Variants in GRSF1 observed in about 807,000 individuals in gnomAD.
GRSF1 encodes the protein G-rich RNA sequence binding factor 1, also known as G-rich sequence factor 1.
GRSF1 carries 50 observed loss-of-function variants against 51.1 expected under a neutral mutation model. The observed-to-expected ratio is 0.98, with a 90% confidence interval of 0.78 to 1.24. GRSF1 has a LOEUF of 1.24. Ranked by LOEUF, GRSF1 falls within the 50% of genes most tolerant of loss-of-function variation. GRSF1 has a pLI of 0.00. For synonymous variants in GRSF1, 293 were observed against 253.3 expected (o/e 1.16, Z -1.49); for missense variants, 700 against 639.7 (o/e 1.09, Z -1.02).
intron 5 of GRSF1, among the ~76,000 whole-genome samples, chr4:70,828,267 A>G (rs1174723970): frequency 6.6e-6 from 1 of 152,244 alleles, no homozygotes; most frequent in African/African-American, 2.4e-5. Flanking sequence ...TTTTCTTCAC[A>G]TACATTTTAA....
upstream of GRSF1, among the ~76,000 whole-genome samples, chr4:70,841,033 T>G (rs1184540598): frequency 6.6e-6 from 1 of 152,106 alleles, no homozygotes; most frequent in Non-Finnish European, 1.5e-5. Flanking sequence ...TGGTGGCTCA[T>G]GCCTATAATC....
At chr4:70,825,136 T>A (rs979185793) in intron 8 of GRSF1, among the ~76,000 whole-genome samples, 160 bp downstream of exon 8, 2 of 152,270 alleles carry the variant, frequency 1.3e-5, no homozygotes, top group South Asian at 2.1e-4. Flanking sequence ...CAAAATTTTT[T>A]AAATTATAAT....
At chr4:70,831,702 C>T in intron 4 of GRSF1, 28 bp from the exon 5 acceptor site, 1 of 1,582,150 alleles carries the variant, frequency 6.3e-7, no homozygotes, top group Non-Finnish European at 8.6e-7. Context: ...TTTAATGCTA[C>T]TAGCAGGCTT....
intron 1 of GRSF1, among the ~76,000 whole-genome samples, chr4:70,837,981 C>A (rs1734285321): frequency 6.6e-6 from 1 of 151,736 alleles, no homozygotes; most frequent in South Asian, 2.1e-4. Flanking sequence ...CCTGTAATCC[C>A]AGCACTTTGG....
At chr4:70,827,768 A>C (rs1733793911) in intron 6 of GRSF1, 84 bp downstream of exon 6, 19 of 900,990 alleles carry the variant, frequency 2.1e-5, no homozygotes, top group Non-Finnish European at 3.1e-5. Context: ...ACAGAGCGAG[A>C]CTTCATCTCA....
Position 70,839,291 on chromosome 4 carries a change from G to C in GRSF1, c.357+180C>G, listed in dbSNP as rs1307764814. ...CAAGCAGAAGACCCGACGCCTGGGA[G>C]AGCTTCCCTTGTTCCAGGGCCCAAT... On this transcript the variant is annotated intron_variant, in intron 1 of 9. Coordinates refer to ENST00000254799, the MANE Select transcript of GRSF1 (RefSeq NM_002092.4). The C allele has an allele frequency of 4.0e-6, 6 of 1,499,152 alleles. No individual in the cohort carries two copies. The South Asian group carries it at 6.0e-5, about 15-fold the overall frequency. 92.9% of individuals were successfully genotyped at this position (1,499,152 alleles called of 1,614,324 possible).
At chr4:70,838,713 TAAAG>T (rs893168434) in intron 1 of GRSF1, among the ~76,000 whole-genome samples, 6 of 151,756 alleles carry the variant, frequency 4.0e-5, no homozygotes, top group South Asian at 2.1e-4. Flanking sequence ...TCTAAAAAAA[TAAAG>T]AAAAAATGGA....
chr4:70,821,206 C>A, intron 9 of GRSF1, among the ~76,000 whole-genome samples: 1 of 152,138 alleles, frequency 6.6e-6, no homozygotes, highest in East Asian at 1.9e-4. Flanking sequence ...GCGGGCAGAT[C>A]AGCTGAGGTC....
chr4:70,831,764 C>T (rs1200382698), intron 4 of GRSF1, 90 bp from the exon 5 acceptor site: 3 of 1,225,508 alleles, frequency 2.4e-6, no homozygotes, highest in African/African-American at 3.1e-5. Context: ...AATTTTTATT[C>T]TGTTTTGCCA....
At chr4:70,841,529 G>A (rs186495060), upstream of GRSF1, among the ~76,000 whole-genome samples, 1 of 152,192 alleles carries the variant, frequency 6.6e-6, no homozygotes, top group Non-Finnish European at 1.5e-5. Flanking sequence ...TGTGGAAAAT[G>A]TCAAACAGAA....
chr4:70,837,337 G>A lies in GRSF1; in HGVS notation c.358-1023C>T, dbSNP rs186770323. 2.0e-3 allele frequency among the ~76,000 whole-genome samples: 300 copies of A among 152,010 alleles called. 1 individual carries two copies. Among genetic ancestry groups the A allele is most frequent in the African/African-American group, 6.9e-3 (287 of 41,458 alleles). ...CCCAGCACCTTGGGAGGCCGAGGTG[G>A]GCGAATCACGAGGTCAGGAGTTCAA... On this transcript the variant is annotated intron_variant, in intron 1 of 9. Transcript: ENST00000254799.
intron 5 of GRSF1, among the ~76,000 whole-genome samples, chr4:70,830,792 C>G (rs532597360): frequency 6.6e-6 from 1 of 151,456 alleles, no homozygotes; most frequent in Non-Finnish European, 1.5e-5. Flanking sequence ...CACCGCACTC[C>G]AGCCTAGGCG....
rs201990239 is a variant in GRSF1, at chr4:70,828,036, T to C, written c.951A>G (p.Arg317=). 28 of 1,610,828 alleles carry C rather than the reference T, an allele frequency of 1.7e-5. No individual in the cohort carries two copies. The highest frequency in any genetic ancestry group is 2.1e-5 in the Non-Finnish European group (25 of 1,178,434). The part of the protein sequence containing the change: ...LLKHREEIGN[R]YIEIFPSRRN... ...TTCTGCTTGGAAATATCTCGATGTA[T>C]CTATGTCAAAGCAAAAGTAAACAGG... The change falls in exon 6 of 10, where the codon CGA becomes CGG. Residue 317 remains arginine, a splice_region_variant and synonymous_variant. Coordinates refer to ENST00000254799, the MANE Select transcript of GRSF1 (RefSeq NM_002092.4).
intron 5 of GRSF1, among the ~76,000 whole-genome samples, chr4:70,829,493 A>G (rs1250260915): frequency 6.6e-6 from 1 of 152,062 alleles, no homozygotes; most frequent in Non-Finnish European, 1.5e-5. Flanking sequence ...CGTCTCTACA[A>G]AAATACAAAA....
At chr4:70,837,829 G>A (rs1441949191) in intron 1 of GRSF1, among the ~76,000 whole-genome samples, 1 of 151,072 alleles carries the variant, frequency 6.6e-6, no homozygotes, top group Non-Finnish European at 1.5e-5. Context: ...TAGTAGACAC[G>A]GAGTTTCACC....
chr4:70,832,564 T>C lies in GRSF1; in HGVS notation c.671-114A>G, dbSNP rs550158672. ...TCTGAGAATTCAATAACTATTTTAA[T>C]CTTTATGCGCTTCTCTAGAGAAAAT... On this transcript the variant is annotated intron_variant, in intron 3 of 9. Transcript: ENST00000254799. 6.4e-5 allele frequency: 40 copies of C among 625,712 alleles called. No individual in the cohort carries two copies. In the East Asian group the frequency reaches 9.3e-4, roughly 15 times the overall value. The allele number at this position is 625,712 out of a possible 1,614,324, so 38.8% of individuals were successfully genotyped here.
At position 70,826,089 on chromosome 4, in the gene GRSF1, A is replaced by G. The variant is rs748768124; in HGVS notation, c.1257+35T>C. ...AGTTCAATTTTAGAACTTTTGTTCA[A>G]ATCTATTGAGATTGGATATCTTACT... On this transcript the variant is annotated intron_variant, in intron 7 of 9. Coordinates refer to ENST00000254799, the MANE Select transcript of GRSF1 (RefSeq NM_002092.4). 2.5e-6 allele frequency: 4 copies of G among 1,579,264 alleles called. No individual in the cohort carries two copies. In the South Asian group the frequency reaches 4.6e-5, roughly 18 times the overall value.
At chr4:70,837,177 GTC>G (rs1734247543) in intron 1 of GRSF1, among the ~76,000 whole-genome samples, 1 of 152,178 alleles carries the variant, frequency 6.6e-6, no homozygotes, top group Non-Finnish European at 1.5e-5. Flanking sequence ...GACTTGTAAA[GTC>G]TCTTTTATCG....
upstream of GRSF1, among the ~76,000 whole-genome samples, chr4:70,840,435 A>G (rs553094624): frequency 4.6e-5 from 7 of 152,226 alleles, no homozygotes; most frequent in East Asian, 1.4e-3. Context: ...AGACCAACCT[A>G]GGCAACACGG....
Sources: gnomAD v4.1 joint callset for allele counts (sites outside exome capture counted in the v4.1 genomes callset) on GRCh38, gnomAD v4.1.1 for gene constraint, MANE v1.5 for transcripts, NCBI Gene and HGNC (gene_info 2026-07-23, HGNC 2026-07-21) for gene names.